LITAF: variants seen among roughly 807,000 people sequenced by gnomAD.
The protein encoded by LITAF is lipopolysaccharide induced TNF factor.
In LITAF, 9 loss-of-function variants were observed where a neutral mutation model predicts 14.5. The ratio of observed to expected loss-of-function variants is 0.62; its 90% CI spans 0.37 to 1.08. LITAF has a LOEUF of 1.08. Among genes scored for constraint, LITAF ranks in the 50% least tolerant of loss-of-function variants. LITAF has a pLI of 0.01. For synonymous variants in LITAF, 98 were observed against 88.2 expected, an observed-to-expected ratio of 1.11 and a Z score of -0.62; for missense variants, 206 against 213.4, an observed-to-expected ratio of 0.97 and a Z score of 0.22.
At chr16:11,636,989 C>G (rs1368738633), upstream of LITAF, among the ~76,000 whole-genome samples, 1 of 152,008 alleles carries the variant, frequency 6.6e-6, no homozygotes, top group Admixed American at 6.6e-5. Context: ...CCTGCCTCAG[C>G]CTCCTGGGTA....
upstream of LITAF, among the ~76,000 whole-genome samples, chr16:11,589,152 C>T (rs2064834045): frequency 6.6e-6 from 1 of 152,140 alleles, no homozygotes; most frequent in African/African-American, 2.4e-5. Flanking sequence ...GAATTTCCAA[C>T]CCAAGGCTTC....
At chr16:11,567,235 C>G (rs1185185070) in intron 1 of LITAF, among the ~76,000 whole-genome samples, 1 of 152,096 alleles carries the variant, frequency 6.6e-6, no homozygotes, top group Non-Finnish European at 1.5e-5. Flanking sequence ...GCCTGGCCAA[C>G]ATGGCAAAAC....
chr16:11,588,848 C>G (rs1007903732), upstream of LITAF, among the ~76,000 whole-genome samples: 3 of 148,076 alleles, frequency 2.0e-5, no homozygotes, highest in Non-Finnish European at 4.5e-5. Flanking sequence ...CCCTCCCAAC[C>G]TTTTCTCCTT....
upstream of LITAF, among the ~76,000 whole-genome samples, chr16:11,603,299 TA>T (rs1319344091): frequency 6.6e-6 from 1 of 152,174 alleles, no homozygotes; most frequent in Non-Finnish European, 1.5e-5. Context: ...TTAGAAAAAA[TA>T]AACTTCCCTG....
At chr16:11,609,913 A>T (rs2064973706) in intron 3 of LITAF, among the ~76,000 whole-genome samples, 1 of 152,182 alleles carries the variant, frequency 6.6e-6, no homozygotes, top group Non-Finnish European at 1.5e-5. Context: ...TGGATGCTGA[A>T]ATCACACCCC....
upstream of LITAF, among the ~76,000 whole-genome samples, chr16:11,602,051 A>G (rs913326748): frequency 3.9e-5 from 6 of 152,106 alleles, no homozygotes; most frequent in African/African-American, 1.4e-4. Flanking sequence ...CAGAAAAACC[A>G]CTCAATAAGA....
chr16:11,553,366 G>A lies in LITAF; in HGVS notation c.377+167C>T, dbSNP rs768222791. On this transcript the variant is annotated intron_variant, in intron 3 of 3. Coordinates refer to ENST00000622633, the MANE Select transcript of LITAF (RefSeq NM_001136472.2). The surrounding 1 kb of genome is among the most constrained non-coding windows in gnomAD (Gnocchi z 7.7). ...GTGGGGGTTACAGTGAGCCGAGATC[G>A]CCCCACTGTACTCCAGCCTGGGCGA... 1.1e-5 allele frequency: 8 copies of A among 704,664 alleles called. No homozygotes were observed. The highest frequency in any genetic ancestry group is 1.4e-5 in the Non-Finnish European group (6 of 414,964). 43.7% of individuals were successfully genotyped at this position (704,664 alleles called of 1,614,324 possible).
In LITAF at chr16:11,632,146, C is replaced by T. The variant is rs891772246; in HGVS notation, c.85+1387G>A. 7.2e-5 allele frequency among the ~76,000 whole-genome samples: 11 copies of T among 152,134 alleles called. No homozygotes were observed. The highest frequency in any genetic ancestry group is 2.4e-4 in the African/African-American group (10 of 41,438). ...CCTCCCAAAGTGCTGGGATTACAGG[C>T]GTGAGCCACTGCGCCCGGCCTCGCA... On this transcript the variant is annotated intron_variant, in intron 3 of 3. Transcript: ENST00000574848. This position sits in a 1 kb window ranked among gnomAD's most constrained non-coding sequence, Gnocchi z 4.8.
chr16:11,595,545 C>T (rs576842171), intron 1 of LITAF, among the ~76,000 whole-genome samples: 2 of 152,210 alleles, frequency 1.3e-5, no homozygotes, highest in South Asian at 2.1e-4. Context: ...CTGGCTAACA[C>T]AGTGAAACCC....
chr16:11,628,440 GC>G (rs1349830728), intron 3 of LITAF, among the ~76,000 whole-genome samples: 2 of 152,204 alleles, frequency 1.3e-5, no homozygotes, highest in East Asian at 3.9e-4. Context: ...CGGAGATCTT[GC>G]TTTTACCGAA....
chr16:11,550,047 C>CA (rs1268438208), intron 3 of LITAF, among the ~76,000 whole-genome samples: 3 of 151,986 alleles, frequency 2.0e-5, no homozygotes, highest in African/African-American at 4.8e-5. Flanking sequence ...CTGGAGGAGG[C>CA]AAAAAATGAT....
At chr16:11,583,303 G>C (rs1234768826) in intron 1 of LITAF, among the ~76,000 whole-genome samples, 1 of 152,198 alleles carries the variant, frequency 6.6e-6, no homozygotes, top group Non-Finnish European at 1.5e-5. Context: ...ACAGTGATTT[G>C]TGGAATGGAA....
intron 3 of LITAF, among the ~76,000 whole-genome samples, chr16:11,613,540 A>T (rs2064996636): frequency 6.6e-6 from 1 of 152,204 alleles, no homozygotes; most frequent in South Asian, 2.1e-4. Context: ...CCTAGAACGG[A>T]CAACTCCTGG....
At chr16:11,596,233 C>G (rs952377055) in intron 1 of LITAF, among the ~76,000 whole-genome samples, 2 of 152,056 alleles carry the variant, frequency 1.3e-5, no homozygotes, top group African/African-American at 2.4e-5. Context: ...TGGGGCCTTT[C>G]CAGCCTGCCC....
chr16:11,635,064 TAAAATA>T (rs1299629687), intron 2 of LITAF, among the ~76,000 whole-genome samples: 3 of 149,254 alleles, frequency 2.0e-5, no homozygotes, highest in Non-Finnish European at 4.5e-5. Flanking sequence ...TAAAATAAAA[TAAAATA>T]AAATAAAATA....
chr16:11,635,034 AAAAATAAAATAAAATAAAAT>A (rs55724396), intron 2 of LITAF, among the ~76,000 whole-genome samples: 34,333 of 141,818 alleles, frequency 0.24, 4,344 homozygotes, highest in Non-Finnish European at 0.27. Context: ...ACTCCATCTC[AAAAATAAAATAAAATAAAAT>A]AAAATAAAAT....
chr16:11,624,713 G>A (rs1023998696), intron 3 of LITAF, among the ~76,000 whole-genome samples: 7 of 152,176 alleles, frequency 4.6e-5, no homozygotes, highest in Admixed American at 1.3e-4. Flanking sequence ...CTTCAGGAAG[G>A]GAAGTGTGAT....
chr16:11,575,208 G>A (rs185895056), intron 1 of LITAF, among the ~76,000 whole-genome samples: 4 of 152,200 alleles, frequency 2.6e-5, no homozygotes, highest in South Asian at 2.1e-4. Flanking sequence ...CTCCCTTGCC[G>A]GCCTTATGGG....
chr16:11,602,760 C>CA (rs35880448), upstream of LITAF, among the ~76,000 whole-genome samples: 6,682 of 114,128 alleles, frequency 0.059, 399 homozygotes, highest in East Asian at 0.18. Context: ...TGGCTTGTTG[C>CA]AAAAAAAAAA....
Sources: allele counts gnomAD v4.1 joint callset (sites outside exome capture counted in the v4.1 genomes callset), GRCh38; gene constraint gnomAD v4.1.1; non-coding constraint Gnocchi (gnomAD v3.1); transcripts MANE v1.5; gene names NCBI Gene and HGNC (gene_info 2026-07-23, HGNC 2026-07-21).